The following GLCE variants were observed in gnomAD, a reference collection of about 807,000 sequenced individuals.
GLCE encodes the protein D-glucuronyl C5-epimerase.
In GLCE, 19 loss-of-function variants were observed where a neutral mutation model predicts 47.9. The ratio of observed to expected loss-of-function variants is 0.40; its 90% CI spans 0.28 to 0.58. The LOEUF is 0.58. GLCE is among the 20% of genes least tolerant of loss of function. The pLI is 0.48. For synonymous variants in GLCE, 245 were observed against 263.4 expected (o/e 0.93, Z 0.68); for missense variants, 556 against 743.3 (o/e 0.75, Z 2.93).
chr15:69,162,884 C>A (rs1287536144), intron 1 of GLCE, among the ~76,000 whole-genome samples: 1 of 152,150 alleles, frequency 6.6e-6, no homozygotes, highest in Non-Finnish European at 1.5e-5. Context: ...CCATGCCAGG[C>A]CTCTTAGATA....
chr15:69,208,086 A>C (rs909480720), intron 1 of GLCE, among the ~76,000 whole-genome samples: 1 of 152,026 alleles, frequency 6.6e-6, no homozygotes, highest in African/African-American at 2.4e-5. Context: ...TCTCCCTGTC[A>C]GTAGCTTGTC....
Position 69,258,305 on chromosome 15 carries a change from T to G in GLCE, c.586+1913T>G, listed in dbSNP as rs185476651. ...GGATAATGGCCCCTCGCTCCATCCA[T>G]ATTTCTACAAAGCACGTGATCTCTT... On this transcript the variant is annotated intron_variant, in intron 3 of 4. Transcript: ENST00000261858. Among the ~76,000 whole-genome samples, 946 of 134,448 alleles carry G rather than the reference T, an allele frequency of 7.0e-3. 7 individuals are homozygous for G. The highest frequency in any genetic ancestry group is 0.01 in the Non-Finnish European group (621 of 59,356). 88.2% of individuals were successfully genotyped at this position (134,448 alleles called of 152,430 possible).
intron 1 of GLCE, among the ~76,000 whole-genome samples, chr15:69,201,802 G>C (rs576076536): frequency 6.6e-6 from 1 of 151,860 alleles, no homozygotes; most frequent in South Asian, 2.1e-4. Flanking sequence ...ACCCACTGAG[G>C]AATTTTTAAA....
chr15:69,268,234 G>A lies in GLCE; in HGVS notation c.844G>A (p.Val282Ile). The change falls in exon 5 of 5, where the codon GTA (valine) becomes ATA (isoleucine). Residue 282 changes from valine (V) to isoleucine (I), a missense_variant. Val to Ile is a conservative substitution (Grantham distance 29). This residue lies in a region of GLCE where 74 missense variants were observed against 64.4 expected (regional missense o/e 1.15). Coordinates refer to ENST00000261858, the MANE Select transcript of GLCE (RefSeq NM_015554.3). ...CTCCCCTACAGAAACCAGTGAAGGT[G>A]TATCCTTGCAACTGGGAAACACAAA... is the stretch of plus-strand genomic sequence containing the variant. ...QFIAPETSEG[V>I]SLQLGNTKDF... 2 of 1,603,518 alleles carry A rather than the reference G, an allele frequency of 1.2e-6. No homozygotes were observed. Among genetic ancestry groups the A allele is most frequent in the Non-Finnish European group, 1.7e-6 (2 of 1,174,400 alleles).
At chr15:69,172,115 G>C (rs1034985623) in intron 1 of GLCE, among the ~76,000 whole-genome samples, 3 of 152,070 alleles carry the variant, frequency 2.0e-5, no homozygotes, top group Admixed American at 6.5e-5. Flanking sequence ...AATTCATACT[G>C]ATTTTTTAAA....
chr15:69,233,909 G>C (rs1307718195), intron 2 of GLCE, among the ~76,000 whole-genome samples: 2 of 151,692 alleles, frequency 1.3e-5, no homozygotes, highest in African/African-American at 4.8e-5. Flanking sequence ...GTTGCAGGAA[G>C]AAAACTCATA....
intron 2 of GLCE, among the ~76,000 whole-genome samples, chr15:69,227,995 G>C (rs1224504041): frequency 2.0e-5 from 3 of 152,140 alleles, no homozygotes. Flanking sequence ...CAGTTGATCT[G>C]CTAATAGATG....
At chr15:69,188,257 AAC>A (rs1276596737) in intron 1 of GLCE, among the ~76,000 whole-genome samples, 6 of 152,192 alleles carry the variant, frequency 3.9e-5, no homozygotes, top group Middle Eastern at 6.8e-3. Context: ...AACAAAACAA[AAC>A]AAAAAAACAC....
intron 1 of GLCE, among the ~76,000 whole-genome samples, chr15:69,173,132 C>T (rs1335614587): frequency 3.3e-5 from 5 of 152,176 alleles, no homozygotes; most frequent in African/African-American, 1.2e-4. Flanking sequence ...GCTTAAGCTA[C>T]ACTTTGAAGC....
intron 1 of GLCE, among the ~76,000 whole-genome samples, chr15:69,207,292 T>C (rs1222384609): frequency 1.3e-5 from 2 of 152,148 alleles, no homozygotes; most frequent in African/African-American, 4.8e-5. Flanking sequence ...TCAGTCTTTG[T>C]GATGTGCGGT....
At chr15:69,184,739 A>C (rs2051798200) in intron 1 of GLCE, among the ~76,000 whole-genome samples, 1 of 152,190 alleles carries the variant, frequency 6.6e-6, no homozygotes, top group Non-Finnish European at 1.5e-5. Flanking sequence ...GATTCAGATC[A>C]TTTCCATTGT....
At chr15:69,211,873 T>C (rs1161506348) in intron 2 of GLCE, among the ~76,000 whole-genome samples, 1 of 152,046 alleles carries the variant, frequency 6.6e-6, no homozygotes, top group African/African-American at 2.4e-5. Context: ...TTTGGTTTCC[T>C]AATAGACTTG....
At chr15:69,167,776 A>G (rs1161389797) in intron 1 of GLCE, among the ~76,000 whole-genome samples, 1 of 152,106 alleles carries the variant, frequency 6.6e-6, no homozygotes, top group East Asian at 1.9e-4. Context: ...TTAAGTCTTT[A>G]AATGAAGAGT....
rs908780029 is a variant in GLCE, at chr15:69,160,980, C to G, written c.-105+223C>G. 2.6e-5 allele frequency among the ~76,000 whole-genome samples: 4 copies of G among 151,008 alleles called. No individual in the cohort carries two copies. Among genetic ancestry groups the G allele is most frequent in the African/African-American group, 9.8e-5 (4 of 41,004 alleles). On this transcript the variant is annotated intron_variant, in intron 1 of 4. Transcript: ENST00000261858. The surrounding 1 kb of genome is among the most constrained non-coding windows in gnomAD (Gnocchi z 4.2). ...GGCGGTGTAGCGGGTGCCGGAGCTC[C>G]CGAGGTGAGGGGGCAATGTATTAGG...
At chr15:69,262,498 T>C (rs1327395334) in intron 4 of GLCE, among the ~76,000 whole-genome samples, 2 of 152,214 alleles carry the variant, frequency 1.3e-5, no homozygotes, top group Non-Finnish European at 2.9e-5. Flanking sequence ...TAGTTAATAA[T>C]GGTTGTCTGG....
chr15:69,261,524 A>G (rs2053014996), intron 4 of GLCE, among the ~76,000 whole-genome samples, 195 bp downstream of exon 4: 1 of 152,190 alleles, frequency 6.6e-6, no homozygotes, highest in Non-Finnish European at 1.5e-5. Context: ...ATAAAAAGGA[A>G]TATTTACTAT....
chr15:69,160,800 G>T lies in GLCE; in HGVS notation c.-105+43G>T, dbSNP rs923456197. ...GCGTCTCCGCTGAGGAGCGGTCGGG[G>T]AGCGGGGACACGGAGCAGCCGGAGC... On this transcript the variant is annotated intron_variant, in intron 1 of 4. Transcript: ENST00000261858. This position sits in a 1 kb window ranked among gnomAD's most constrained non-coding sequence, Gnocchi z 4.2. 3 of 152,564 alleles carry T rather than the reference G, an allele frequency of 2.0e-5. No individual in the cohort carries two copies. Among genetic ancestry groups the T allele is most frequent in the African/African-American group, 7.2e-5 (3 of 41,470 alleles). The allele number at this position is 152,564 out of a possible 1,614,324, so 9.5% of individuals were successfully genotyped here.
At position 69,160,957 on chromosome 15, in the gene GLCE, C is replaced by T. The variant is rs1388894893; in HGVS notation, c.-105+200C>T. On this transcript the variant is annotated intron_variant, in intron 1 of 4. Coordinates refer to ENST00000261858, the MANE Select transcript of GLCE (RefSeq NM_015554.3). This position sits in a 1 kb window ranked among gnomAD's most constrained non-coding sequence, Gnocchi z 4.2. ...GGATCCGGGCGCGGGCGCCCAAGGG[C>T]GGTGTAGCGGGTGCCGGAGCTCCCG... Among the ~76,000 whole-genome samples the T allele has an allele frequency of 4.2e-5, 6 of 141,758 alleles. No individual in the cohort carries two copies. In the Admixed American group the frequency reaches 4.3e-4, roughly 10 times the overall value. The allele number at this position is 141,758 out of a possible 152,430, so 93.0% of individuals were successfully genotyped here. A position where few individuals can be genotyped will look rare whatever the true frequency, so the allele number is the denominator to read the frequency against.
intron 3 of GLCE, among the ~76,000 whole-genome samples, chr15:69,257,655 C>T (rs1475176187): frequency 1.3e-5 from 2 of 152,112 alleles, no homozygotes; most frequent in African/African-American, 4.8e-5. Context: ...AATATCCTTA[C>T]CAAATGTTTA....
Sources: gnomAD v4.1 joint callset for allele counts (sites outside exome capture counted in the v4.1 genomes callset) on GRCh38, gnomAD v4.1.1 for gene constraint, gnomAD v4.1.1 regional missense constraint, Gnocchi (gnomAD v3.1) non-coding constraint, MANE v1.5 for transcripts, NCBI Gene and HGNC (gene_info 2026-07-23, HGNC 2026-07-21) for gene names.